Variants in CDK5RAP2 observed in about 807,000 individuals in gnomAD.
The protein encoded by CDK5RAP2 is CDK5 regulatory subunit associated protein 2, also known as CDK5 regulatory subunit-associated protein 2.
A neutral mutation model predicts 232.9 loss-of-function variants in CDK5RAP2; 147 were observed. The ratio of observed to expected loss-of-function variants is 0.63; its 90% CI spans 0.55 to 0.72. The LOEUF (loss-of-function observed/expected upper bound fraction) is 0.72, where lower values mean the gene tolerates loss of function less well. CDK5RAP2 is among the 30% of genes least tolerant of loss of function. The pLI, the probability that CDK5RAP2 is intolerant of heterozygous loss-of-function variation, is 0.00. For synonymous variants in CDK5RAP2, 833 were observed against 833.7 expected, an observed-to-expected ratio of 1.00 and a Z score of 0.01; for missense variants, 2,195 against 2,231.5, an observed-to-expected ratio of 0.98 and a Z score of 0.33.
At chr9:120,541,212 T>A (rs1271418445) in intron 5 of CDK5RAP2, among the ~76,000 whole-genome samples, 1 of 152,088 alleles carries the variant, frequency 6.6e-6, no homozygotes, top group African/African-American at 2.4e-5. Flanking sequence ...TGCTACCCTT[T>A]CCCTTACCCC....
At chr9:120,427,018 T>C (rs151185030) in intron 25 of CDK5RAP2, among the ~76,000 whole-genome samples, 2 of 152,320 alleles carry the variant, frequency 1.3e-5, no homozygotes, top group Admixed American at 6.5e-5. Flanking sequence ...TTCCCTTAGC[T>C]GAGGGAAGGG....
In CDK5RAP2 at chr9:120,523,092, T is replaced by C. The variant is rs372784113; in HGVS notation, c.1092+1894A>G. On this transcript the variant is annotated intron_variant, in intron 11 of 37. Transcript: ENST00000349780. ...GGTCCTCTGAAAAGCCAACCTGACA[T>C]GTATAACCTGAAGAGTTACAACAGT... 3.0e-4 allele frequency among the ~76,000 whole-genome samples: 45 copies of C among 152,336 alleles called. 1 individual carries two copies. The highest frequency in any genetic ancestry group is 1.0e-3 in the African/African-American group (43 of 41,584).
chr9:120,452,238 GTCTC>G lies in CDK5RAP2; in HGVS notation c.2793+1214_2793+1217del, dbSNP rs373806149. ...TTCTAGTACCGTTAATATAATGGCA[GTCTC>G]TCTCTCTCTCTCTCTCTCTCTCTCT... On this transcript the variant is annotated intron_variant, in intron 21 of 37. Coordinates refer to ENST00000349780, the MANE Select transcript of CDK5RAP2 (RefSeq NM_018249.6). 3.1e-3 allele frequency among the ~76,000 whole-genome samples: 445 copies of G among 142,666 alleles called. 3 individuals carry two copies. The highest frequency in any genetic ancestry group is 0.013 in the South Asian group (58 of 4,436). 93.6% of individuals were successfully genotyped at this position (142,666 alleles called of 152,430 possible). A position where few individuals can be genotyped will look rare whatever the true frequency, so the allele number is the denominator to read the frequency against.
At chr9:120,514,200 G>C (rs1013781525) in intron 12 of CDK5RAP2, among the ~76,000 whole-genome samples, 1 of 152,222 alleles carries the variant, frequency 6.6e-6, no homozygotes, top group African/African-American at 2.4e-5. Context: ...GTCACGATGA[G>C]ATGCCAGGAA....
At chr9:120,489,710 A>G (rs757817854) in intron 13 of CDK5RAP2, among the ~76,000 whole-genome samples, 1 of 152,068 alleles carries the variant, frequency 6.6e-6, no homozygotes, top group Non-Finnish European at 1.5e-5. Context: ...ATAGCCCTGA[A>G]ATGTTTGGAT....
At chr9:120,522,922 C>T (rs1301807236) in intron 11 of CDK5RAP2, among the ~76,000 whole-genome samples, 1 of 152,086 alleles carries the variant, frequency 6.6e-6, no homozygotes, top group Non-Finnish European at 1.5e-5. Context: ...GTGAGATAGC[C>T]GATATAGGTG....
At chr9:120,431,020 C>G (rs1017051024) in intron 25 of CDK5RAP2, among the ~76,000 whole-genome samples, 2 of 152,070 alleles carry the variant, frequency 1.3e-5, no homozygotes, top group African/African-American at 4.8e-5. Flanking sequence ...GGACAAAAAA[C>G]CAAACACCGC....
At chr9:120,559,507 A>G (rs1015298778) in intron 3 of CDK5RAP2, among the ~76,000 whole-genome samples, 10 of 148,206 alleles carry the variant, frequency 6.7e-5, no homozygotes, top group Non-Finnish European at 1.4e-4. Flanking sequence ...AAAAAAAAAA[A>G]AGAAAACAAA....
chr9:120,437,537 G>A lies in CDK5RAP2; in HGVS notation c.3723-10C>T, dbSNP rs1470291781. ...AACTAATGAATCGTATCTGATAAAAGAGGGGAAAGAAAATACTTGGACCAT... is the reference window on the plus strand; with the variant it reads ...AACTAATGAATCGTATCTGATAAAAAAGGGGAAAGAAAATACTTGGACCAT... On this transcript the variant is annotated splice_polypyrimidine_tract_variant and intron_variant, in intron 24 of 37. Transcript: ENST00000349780. 6.3e-7 allele frequency: 1 copy of A among 1,594,310 alleles called. No individual in the cohort carries two copies. The highest frequency in any genetic ancestry group is 8.6e-7 in the Non-Finnish European group (1 of 1,161,982).
intron 25 of CDK5RAP2, among the ~76,000 whole-genome samples, chr9:120,426,927 G>C (rs968784935): frequency 6.6e-6 from 1 of 152,160 alleles, no homozygotes; most frequent in Non-Finnish European, 1.5e-5. Flanking sequence ...AGCTCCAAAG[G>C]GAGGAGAGTA....
At chr9:120,420,512 C>G (rs1189145426) in intron 26 of CDK5RAP2, among the ~76,000 whole-genome samples, 1 of 152,074 alleles carries the variant, frequency 6.6e-6, no homozygotes, top group African/African-American at 2.4e-5. Flanking sequence ...TCTCATGGTT[C>G]CCAAGCAGGT....
At chr9:120,430,133 T>G (rs1384750260) in intron 25 of CDK5RAP2, among the ~76,000 whole-genome samples, 1 of 151,970 alleles carries the variant, frequency 6.6e-6, no homozygotes, top group Non-Finnish European at 1.5e-5. Context: ...AAGACTTAAA[T>G]GTTAGACCTA....
chr9:120,453,134 A>T (rs1279395517), intron 21 of CDK5RAP2, among the ~76,000 whole-genome samples: 1 of 152,254 alleles, frequency 6.6e-6, no homozygotes, highest in Non-Finnish European at 1.5e-5. Context: ...TGAAAGAGAC[A>T]GCTACAGACA....
At position 120,458,663 on chromosome 9, in the gene CDK5RAP2, G is replaced by A. The variant is rs768836212; in HGVS notation, c.2203-41C>T. The A allele has an allele frequency of 3.8e-6, 6 of 1,580,276 alleles. No individual in the cohort carries two copies. The African/African-American group carries it at 8.1e-5, about 21-fold the overall frequency. On this transcript the variant is annotated intron_variant, in intron 19 of 37. Transcript: ENST00000349780. The stretch of plus-strand genomic sequence containing the variant: ...TTTGGTCAAATAATGGAATAAGGAG[G>A]AAGGGAATGGGGTGTGTGGAGAGAG...
chr9:120,408,400 CG>C lies in CDK5RAP2; in HGVS notation c.4672del (p.Arg1558GlufsTer4). ...CTTCTCATACGCCTTCAGCTCCACTCGGAGAGACTGCAATAGCTTGTCATTC... is the reference window on the plus strand; with the variant it reads ...CTTCTCATACGCCTTCAGCTCCACTCGAGAGACTGCAATAGCTTGTCATTC... ...SQNDKLLQSL[R>X]VELKAYEKLD... On this transcript the variant is annotated frameshift_variant, in exon 31 of 38. Coordinates refer to ENST00000349780, the MANE Select transcript of CDK5RAP2 (RefSeq NM_018249.6). LOFTEE classifies it high-confidence loss of function. The C allele has an allele frequency of 6.2e-7, 1 of 1,614,192 alleles. No individual in the cohort carries two copies. The highest frequency in any genetic ancestry group is 8.5e-7 in the Non-Finnish European group (1 of 1,180,044).
At chr9:120,476,894 T>C (rs1215253477) in intron 15 of CDK5RAP2, among the ~76,000 whole-genome samples, 1 of 152,146 alleles carries the variant, frequency 6.6e-6, no homozygotes, top group Non-Finnish European at 1.5e-5. Flanking sequence ...TCTGCAGAGA[T>C]AGGGAGACTT....
chr9:120,419,999 C>T, intron 26 of CDK5RAP2, 39 bp from the exon 27 acceptor site: 2 of 1,543,910 alleles, frequency 1.3e-6, no homozygotes, highest in Non-Finnish European at 1.8e-6. Flanking sequence ...ATCTCCCATG[C>T]TAAAATCCCA....
intron 18 of CDK5RAP2, 111 bp from the exon 19 acceptor site, chr9:120,460,778 A>G: frequency 6.5e-7 from 1 of 1,531,938 alleles, no homozygotes; most frequent in South Asian, 1.2e-5. Flanking sequence ...ACAAAAAGCA[A>G]ACAAAAAAGA....
At chr9:120,548,264 T>G (rs1397453135) in intron 4 of CDK5RAP2, among the ~76,000 whole-genome samples, 1 of 152,210 alleles carries the variant, frequency 6.6e-6, no homozygotes, top group Non-Finnish European at 1.5e-5. Flanking sequence ...AGAGGATTCT[T>G]TTTCCAGCTC....
Sources: allele counts gnomAD v4.1 joint callset (sites outside exome capture counted in the v4.1 genomes callset), GRCh38; gene constraint gnomAD v4.1.1; transcripts MANE v1.5; gene names NCBI Gene and HGNC (gene_info 2026-07-23, HGNC 2026-07-21).